Variants in EXTL3 observed in about 807,000 individuals in gnomAD.
EXTL3 encodes the protein exostosin like glycosyltransferase 3, also known as exostosin-like 3.
A neutral mutation model predicts 69.3 loss-of-function variants in EXTL3; 27 were observed. That is an observed-to-expected ratio of 0.39 (90% CI 0.29 to 0.54). The LOEUF is 0.54. Among genes scored for constraint, EXTL3 ranks in the 20% least tolerant of loss-of-function variants. The pLI is 0.69. For synonymous variants in EXTL3, 511 were observed against 499.4 expected (o/e 1.02, Z -0.31); for missense variants, 1,003 against 1,231.8 (o/e 0.81, Z 2.78).
At chr8:28,732,231 C>G (rs1459637945) in intron 4 of EXTL3, among the ~76,000 whole-genome samples, 1 of 152,138 alleles carries the variant, frequency 6.6e-6, no homozygotes, top group Non-Finnish European at 1.5e-5. Context: ...CCAGGTATCT[C>G]AGGGACTGGG....
intron 6 of EXTL3, among the ~76,000 whole-genome samples, chr8:28,748,440 A>G (rs1801934891): frequency 6.6e-6 from 1 of 152,076 alleles, no homozygotes; most frequent in South Asian, 2.1e-4. Context: ...TGAAAACCTG[A>G]TCACTATAAG....
chr8:28,750,378 G>A lies in EXTL3; in HGVS notation c.2551-279G>A, dbSNP rs530580539. On this transcript the variant is annotated intron_variant, in intron 6 of 6. Coordinates refer to ENST00000220562, the MANE Select transcript of EXTL3 (RefSeq NM_001440.4). The surrounding 1 kb of genome is among the most constrained non-coding windows in gnomAD (Gnocchi z 5.2). ...GGCTCTGCAACCAAGTACATACTAG[G>A]AGTAGACTTACTGAGACAGCTGACA... Among the ~76,000 whole-genome samples the A allele has an allele frequency of 6.6e-6, 1 of 152,278 alleles. No individual in the cohort carries two copies. The highest frequency in any genetic ancestry group is 1.9e-4 in the East Asian group (1 of 5,188).
In EXTL3 at chr8:28,754,793, G is replaced by A. The variant is rs903754020; in HGVS notation, c.*3927G>A. 4 of 152,264 alleles carry A rather than the reference G, an allele frequency of 2.6e-5. No individual in the cohort carries two copies. Among genetic ancestry groups the A allele is most frequent in the African/African-American group, 9.7e-5 (4 of 41,450 alleles). The allele number at this position is 152,264 out of a possible 1,614,324, so 9.4% of individuals were successfully genotyped here. ...TTAAGAAGAATGTTGATGGTGGTGT[G>A]TGGTGCCTAACATCTTAATCTCAGC... On this transcript the variant is annotated 3_prime_UTR_variant, in exon 7 of 7. Coordinates refer to ENST00000220562, the MANE Select transcript of EXTL3 (RefSeq NM_001440.4).
At chr8:28,669,475 A>G (rs1384363195) in intron 1 of EXTL3, among the ~76,000 whole-genome samples, 1 of 152,178 alleles carries the variant, frequency 6.6e-6, no homozygotes, top group Non-Finnish European at 1.5e-5. Flanking sequence ...AGATAAATTG[A>G]TATGTCCTCT....
intron 1 of EXTL3, among the ~76,000 whole-genome samples, chr8:28,645,880 C>T (rs1166138368): frequency 3.4e-5 from 5 of 149,212 alleles, no homozygotes; most frequent in Non-Finnish European, 7.4e-5. Flanking sequence ...ATTGATTGAT[C>T]GAGACAGGGT....
chr8:28,630,430 T>C (rs1806555740), intron 1 of EXTL3, among the ~76,000 whole-genome samples: 1 of 152,120 alleles, frequency 6.6e-6, no homozygotes, highest in Non-Finnish European at 1.5e-5. Flanking sequence ...CCACTATTTG[T>C]ATCTGCTTGC....
At position 28,655,567 on chromosome 8, in the gene EXTL3, T is replaced by C. The variant is rs189150094; in HGVS notation, c.-53+32757T>C. 6.0e-5 allele frequency among the ~76,000 whole-genome samples: 9 copies of C among 149,908 alleles called. No individual in the cohort carries two copies. In the East Asian group the frequency reaches 1.6e-3, roughly 26 times the overall value. On this transcript the variant is annotated intron_variant, in intron 1 of 6. Transcript: ENST00000523149. ...GTGCAGTGGCACGATCATAGCTCAC[T>C]GCATCTTTGACCTCCCTGGGCTTAG...
intron 1 of EXTL3, among the ~76,000 whole-genome samples, chr8:28,668,400 C>A (rs372999028): frequency 7.6e-6 from 1 of 131,086 alleles, no homozygotes. Flanking sequence ...GGTGCAATCT[C>A]GGCTCACTGC....
chr8:28,644,820 C>G (rs1317616592), intron 1 of EXTL3, among the ~76,000 whole-genome samples: 1 of 152,152 alleles, frequency 6.6e-6, no homozygotes, highest in African/African-American at 2.4e-5. Context: ...TGAATCTTTT[C>G]ATTTATTATA....
intron 2 of EXTL3, among the ~76,000 whole-genome samples, chr8:28,611,975 C>T (rs922282411): frequency 1.3e-5 from 2 of 152,190 alleles, no homozygotes; most frequent in East Asian, 3.9e-4. Context: ...GAAAAGGGCT[C>T]TTTCTTCACT....
At chr8:28,710,210 C>G in intron 1 of EXTL3, 3 of 267,542 alleles carry the variant, frequency 1.1e-5, no homozygotes, top group South Asian at 3.5e-5. Context: ...GTCTGTGTTG[C>G]TGACCACTGG....
At chr8:28,685,270 GT>G (rs1159157690) in intron 1 of EXTL3, among the ~76,000 whole-genome samples, 2 of 151,874 alleles carry the variant, frequency 1.3e-5, no homozygotes, top group South Asian at 2.1e-4. Context: ...TTTTATAGCA[GT>G]TTTTTTTAAT....
intron 1 of EXTL3, among the ~76,000 whole-genome samples, chr8:28,680,498 G>A (rs1031159820): frequency 6.6e-6 from 1 of 151,916 alleles, no homozygotes; most frequent in Admixed American, 6.6e-5. Context: ...GGTATGACAT[G>A]ATGTTTTATG....
chr8:28,652,928 C>T (rs1056471806), intron 1 of EXTL3, among the ~76,000 whole-genome samples: 5 of 152,230 alleles, frequency 3.3e-5, no homozygotes, highest in South Asian at 2.1e-4. Context: ...TTCCCATATA[C>T]CTCTCACCTC....
At chr8:28,718,999 C>T (rs539150996) in intron 3 of EXTL3, among the ~76,000 whole-genome samples, 2 of 152,320 alleles carry the variant, frequency 1.3e-5, no homozygotes, top group African/African-American at 2.4e-5. Flanking sequence ...TGGCGACCAT[C>T]TCTCTTAAAT....
chr8:28,722,122 G>A (rs1201994659), intron 3 of EXTL3, among the ~76,000 whole-genome samples: 1 of 152,202 alleles, frequency 6.6e-6, no homozygotes, highest in East Asian at 1.9e-4. Context: ...GTAAATTCTG[G>A]AGGGATGTAT....
chr8:28,710,373 G>A, intron 1 of EXTL3: 1 of 426,920 alleles, frequency 2.3e-6, no homozygotes, highest in South Asian at 1.6e-5. Context: ...CATTTGGGGA[G>A]TGGTGAAAAG....
In EXTL3 at chr8:28,718,052, G is replaced by A. The variant is rs766397327; in HGVS notation, c.1993G>A (p.Val665Met). 49 of 1,614,012 alleles carry A rather than the reference G, an allele frequency of 3.0e-5. No homozygotes were observed. The highest frequency in any genetic ancestry group is 3.5e-5 in the Non-Finnish European group (41 of 1,180,046). Residue 665 changes from valine (V) to methionine (M), a missense_variant, in exon 3 of 7, where the codon GTG (valine) becomes ATG (methionine). Physicochemically the swap from Val to Met is conservative, Grantham distance 21. Coordinates refer to ENST00000220562, the MANE Select transcript of EXTL3 (RefSeq NM_001440.4). ...CAATGTTCCCCGAGAGCAGTTCACG[G>A]TGGTGATGTTGACTTATGAGCGGGA... ...GGNVPREQFT[V>M]VMLTYEREEV...
At chr8:28,707,739 T>C (rs1325400738) in intron 1 of EXTL3, among the ~76,000 whole-genome samples, 1 of 152,202 alleles carries the variant, frequency 6.6e-6, no homozygotes, top group Non-Finnish European at 1.5e-5. Context: ...ACGGTCCCGG[T>C]TTGTTATTTG....
Sources: allele counts gnomAD v4.1 joint callset (sites outside exome capture counted in the v4.1 genomes callset), GRCh38; gene constraint gnomAD v4.1.1; non-coding constraint Gnocchi (gnomAD v3.1); transcripts MANE v1.5; gene names NCBI Gene and HGNC (gene_info 2026-07-23, HGNC 2026-07-21).